SPOPL: variants seen among roughly 807,000 people sequenced by gnomAD.
SPOPL encodes the protein speckle-type POZ protein-like.
SPOPL carries 23 observed loss-of-function variants against 53.8 expected under a neutral mutation model. The ratio of observed to expected loss-of-function variants is 0.43; its 90% CI spans 0.31 to 0.61. The LOEUF (loss-of-function observed/expected upper bound fraction) is 0.61. SPOPL is among the 20% of genes least tolerant of loss of function. SPOPL has a pLI of 0.12. For missense variants in SPOPL, 442 were observed against 466.9 expected, an observed-to-expected ratio of 0.95 and a Z score of 0.49; for synonymous variants, 164 against 149.7, an observed-to-expected ratio of 1.10 and a Z score of -0.70.
At position 138,526,123 on chromosome 2, in the gene SPOPL, T is replaced by C. The variant is rs1573878477; in HGVS notation, c.-61+24004T>C. 2.0e-5 allele frequency among the ~76,000 whole-genome samples: 3 copies of C among 152,304 alleles called. No homozygotes were observed. The East Asian group carries it at 5.8e-4, about 29-fold the overall frequency. The stretch of plus-strand genomic sequence containing the variant: ...ATTTGCATTTTGTTCTGACTATAAC[T>C]TTTTTTACTTTTTAAATCAATTCTA... On this transcript the variant is annotated intron_variant, in intron 1 of 10. Transcript: ENST00000280098.
In SPOPL at chr2:138,571,713, C is replaced by T. The variant is rs1685786139; in HGVS notation, c.*2633C>T. The T allele has an allele frequency of 6.6e-6, 1 of 152,554 alleles. No homozygotes were observed. Among genetic ancestry groups the T allele is most frequent in the Non-Finnish European group, 1.5e-5 (1 of 68,020 alleles). The allele number at this position is 152,554 out of a possible 1,614,324, so 9.5% of individuals were successfully genotyped here. On this transcript the variant is annotated 3_prime_UTR_variant, in exon 11 of 11. Transcript: ENST00000280098. ...CTGTCCCGCCTTTTGAGCTATTAGCCTGTTCCTGTTTCCCTTTGTCACCTA... is the reference window on the plus strand; with the variant it reads ...CTGTCCCGCCTTTTGAGCTATTAGCTTGTTCCTGTTTCCCTTTGTCACCTA...
intron 1 of SPOPL, among the ~76,000 whole-genome samples, chr2:138,506,661 C>T (rs1477977749): frequency 6.6e-6 from 1 of 151,916 alleles, no homozygotes; most frequent in East Asian, 1.9e-4. Flanking sequence ...TTTGTAGTTT[C>T]AGGGAAGGGG....
intron 1 of SPOPL, among the ~76,000 whole-genome samples, chr2:138,517,816 G>A (rs1684473942): frequency 6.6e-6 from 1 of 151,910 alleles, no homozygotes; most frequent in African/African-American, 2.4e-5. Context: ...GGAGGCCGAG[G>A]CGGGCGGATC....
At chr2:138,541,166 T>A (rs1374017427) in intron 1 of SPOPL, among the ~76,000 whole-genome samples, 2 of 152,216 alleles carry the variant, frequency 1.3e-5, no homozygotes, top group Non-Finnish European at 2.9e-5. Context: ...TGAGGATTTT[T>A]GCATCAATGT....
intron 7 of SPOPL, among the ~76,000 whole-genome samples, 156 bp downstream of exon 7, chr2:138,559,493 AT>A (rs1210254167): frequency 6.6e-6 from 1 of 152,214 alleles, no homozygotes; most frequent in Non-Finnish European, 1.5e-5. Context: ...TAATAGAACA[AT>A]AGATGTAGCT....
At chr2:138,502,989 T>C (rs1684138992) in intron 1 of SPOPL, among the ~76,000 whole-genome samples, 1 of 152,200 alleles carries the variant, frequency 6.6e-6, no homozygotes, top group Admixed American at 6.5e-5. Context: ...TTGTCTATTT[T>C]TGAATAATCT....
At chr2:138,549,739 G>A (rs981644735) in intron 1 of SPOPL, among the ~76,000 whole-genome samples, 1 of 152,064 alleles carries the variant, frequency 6.6e-6, no homozygotes, top group African/African-American at 2.4e-5. Context: ...TCTGACAGAT[G>A]GGTAACTAGT....
Position 138,519,080 on chromosome 2 carries a change from C to A in SPOPL, c.-61+16961C>A, listed in dbSNP as rs115720142. On this transcript the variant is annotated intron_variant, in intron 1 of 10. Transcript: ENST00000280098. ...GACAAGAAAACTGAGACCCAGAGACCTTACACTGCTTTGGGATTGAACCCA... is the reference window on the plus strand; with the variant it reads ...GACAAGAAAACTGAGACCCAGAGACATTACACTGCTTTGGGATTGAACCCA... Among the ~76,000 whole-genome samples, 161 of 152,288 alleles carry A rather than the reference C, an allele frequency of 1.1e-3. 1 individual carries two copies. The highest frequency in any genetic ancestry group is 0.01 in the Middle Eastern group (3 of 294).
At chr2:138,509,058 T>G (rs2104854437) in intron 1 of SPOPL, among the ~76,000 whole-genome samples, 1 of 152,232 alleles carries the variant, frequency 6.6e-6, no homozygotes, top group South Asian at 2.1e-4. Context: ...TTTACATAGG[T>G]AAAAGCTAGC....
chr2:138,539,593 G>T (rs919415772), intron 1 of SPOPL, among the ~76,000 whole-genome samples: 3 of 106,046 alleles, frequency 2.8e-5, no homozygotes, highest in Non-Finnish European at 5.4e-5. Flanking sequence ...TTTTTGATGG[G>T]GTTGTTTGTT....
intron 1 of SPOPL, among the ~76,000 whole-genome samples, chr2:138,539,672 T>G (rs2104881076): frequency 6.6e-6 from 1 of 152,326 alleles, no homozygotes; most frequent in Admixed American, 6.5e-5. Context: ...ATGAGTAGAT[T>G]GCAAACATTT....
chr2:138,519,421 G>A (rs1177763886), intron 1 of SPOPL, among the ~76,000 whole-genome samples: 1 of 148,258 alleles, frequency 6.7e-6, no homozygotes, highest in African/African-American at 2.5e-5. Context: ...GATTTGTTGG[G>A]CTTTAAAAAA....
At position 138,550,505 on chromosome 2, in the gene SPOPL, A is replaced by T; in HGVS notation, c.101A>T (p.Tyr34Phe). The T allele has an allele frequency of 6.2e-7, 1 of 1,610,156 alleles. No homozygotes were observed. The highest frequency in any genetic ancestry group is 8.5e-7 in the Non-Finnish European group (1 of 1,177,444). Reference protein sequence around the residue: ...YTQVKVVKFSYMWTINNFSFC... With the variant: ...YTQVKVVKFSFMWTINNFSFC... ...TAGGTTAAAGTAGTAAAATTTTCCT[A>T]TATGTGGACCATTAATAACTTCAGT... The change falls in exon 3 of 11, where the codon TAT becomes TTT. Residue 34 changes from tyrosine (Y) to phenylalanine (F), a missense_variant. Transcript: ENST00000280098.
At chr2:138,556,200 A>C (rs1163363364) in intron 5 of SPOPL, among the ~76,000 whole-genome samples, 1 of 152,148 alleles carries the variant, frequency 6.6e-6, no homozygotes, top group Non-Finnish European at 1.5e-5. Flanking sequence ...TACTGTGTAG[A>C]TAGGTATGTC....
At chr2:138,561,035 T>C (rs1351951423) in intron 8 of SPOPL, 108 bp downstream of exon 8, 2 of 1,353,812 alleles carry the variant, frequency 1.5e-6, no homozygotes, top group African/African-American at 3.0e-5. Context: ...TAGATGGCTC[T>C]TGAGAGCTTT....
chr2:138,564,154 G>C (rs1685609538), intron 8 of SPOPL, among the ~76,000 whole-genome samples: 1 of 152,118 alleles, frequency 6.6e-6, no homozygotes, highest in Non-Finnish European at 1.5e-5. Flanking sequence ...AGGGACAATT[G>C]GTATATTTAT....
At chr2:138,565,429 G>C (rs554007497) in intron 10 of SPOPL, among the ~76,000 whole-genome samples, 8 of 152,236 alleles carry the variant, frequency 5.3e-5, no homozygotes, top group African/African-American at 1.4e-4. Context: ...TGCTATATTA[G>C]GCTAGCTTCC....
intron 1 of SPOPL, among the ~76,000 whole-genome samples, chr2:138,542,344 C>T (rs933505510): frequency 1.3e-5 from 2 of 152,132 alleles, no homozygotes; most frequent in African/African-American, 4.8e-5. Context: ...GTGTTAAAGT[C>T]TCCCATTATT....
At chr2:138,524,854 C>G (rs1185013477) in intron 1 of SPOPL, among the ~76,000 whole-genome samples, 1 of 152,196 alleles carries the variant, frequency 6.6e-6, no homozygotes, top group African/African-American at 2.4e-5. Context: ...TCCAAACTCC[C>G]TATCTTCCTG....
Sources: allele counts gnomAD v4.1 joint callset (sites outside exome capture counted in the v4.1 genomes callset), GRCh38; gene constraint gnomAD v4.1.1; transcripts MANE v1.5; gene names NCBI Gene and HGNC (gene_info 2026-07-23, HGNC 2026-07-21).